Variants in IQSEC1 observed in about 807,000 individuals in gnomAD.
IQSEC1 encodes the protein IQ motif and SEC7 domain-containing protein 1.
Under a neutral mutation model 91.0 loss-of-function variants are expected in IQSEC1, and 31 were observed. The ratio of observed to expected loss-of-function variants is 0.34; its 90% CI spans 0.26 to 0.46. The LOEUF (loss-of-function observed/expected upper bound fraction) is 0.46. Among genes scored for constraint, IQSEC1 ranks in the 20% least tolerant of loss-of-function variants. The probability of loss-of-function intolerance (pLI) is 1.00; values close to 1 mark genes in which losing one functional copy is unlikely to be tolerated. For synonymous variants in IQSEC1, 699 were observed against 662.6 expected (o/e 1.05, Z -0.84); for missense variants, 1,388 against 1,575.6 (o/e 0.88, Z 2.02).
chr3:13,172,709 G>C (rs1412080492), intron 1 of IQSEC1, among the ~76,000 whole-genome samples: 1 of 152,248 alleles, frequency 6.6e-6, no homozygotes, highest in African/African-American at 2.4e-5. Flanking sequence ...GTGCAGATGA[G>C]GGCAGTGACC....
chr3:12,934,758 G>A (rs1263608226), intron 3 of IQSEC1, among the ~76,000 whole-genome samples: 1 of 152,018 alleles, frequency 6.6e-6, no homozygotes, highest in Non-Finnish European at 1.5e-5. Context: ...AATACCCATC[G>A]CTCCTTGGAT....
At chr3:13,188,774 G>C (rs1295012644) in intron 1 of IQSEC1, among the ~76,000 whole-genome samples, 2 of 152,214 alleles carry the variant, frequency 1.3e-5, no homozygotes, top group Non-Finnish European at 2.9e-5. Flanking sequence ...GGCTCCACAG[G>C]AAAAAGCCAA....
chr3:13,210,872 CACTGTGG>C (rs1461784708), intron 1 of IQSEC1, among the ~76,000 whole-genome samples: 1 of 152,224 alleles, frequency 6.6e-6, no homozygotes, highest in Non-Finnish European at 1.5e-5. Context: ...GGGCACGGCC[CACTGTGG>C]ACTGAAAGGA....
intron 1 of IQSEC1, among the ~76,000 whole-genome samples, chr3:13,239,046 G>C (rs191316303): frequency 6.6e-6 from 1 of 152,198 alleles, no homozygotes; most frequent in Non-Finnish European, 1.5e-5. Flanking sequence ...GGGGTTCCCC[G>C]AGGATGCCCC....
At chr3:13,002,086 A>AAAC (rs984907461) in intron 1 of IQSEC1, among the ~76,000 whole-genome samples, 1 of 152,060 alleles carries the variant, frequency 6.6e-6, no homozygotes, top group Non-Finnish European at 1.5e-5. Context: ...ACAAACAAAC[A>AAAC]AACAACAACA....
intron 2 of IQSEC1, among the ~76,000 whole-genome samples, chr3:13,129,852 G>C (rs948607783): frequency 1.3e-5 from 2 of 151,450 alleles, no homozygotes; most frequent in African/African-American, 4.9e-5. Flanking sequence ...TAGAGACAGG[G>C]TTTCACCGTG....
chr3:13,153,903 T>C (rs1300579355), intron 2 of IQSEC1, among the ~76,000 whole-genome samples: 1 of 151,752 alleles, frequency 6.6e-6, no homozygotes, highest in Non-Finnish European at 1.5e-5. Context: ...TGCAAAGAGA[T>C]GGAGGTATGA....
At position 13,111,654 on chromosome 3, in the gene IQSEC1, C is replaced by T. The variant is rs777478951; in HGVS notation, c.302+52450G>A. On this transcript the variant is annotated intron_variant, in intron 2 of 15. Transcript: ENST00000648114. ...GGGTGGGGCCTTTGGGAGGTGATTA[C>T]GCTGAGATGAGGTCATGGGAGTAGA... 6.6e-5 allele frequency among the ~76,000 whole-genome samples: 10 copies of T among 152,100 alleles called. No homozygotes were observed. In the East Asian group the frequency reaches 7.7e-4, roughly 12 times the overall value.
chr3:13,089,401 G>A (rs1705798273), intron 2 of IQSEC1, among the ~76,000 whole-genome samples: 1 of 152,098 alleles, frequency 6.6e-6, no homozygotes, highest in Non-Finnish European at 1.5e-5. Flanking sequence ...GCAACACAGT[G>A]AGACTCAGTC....
chr3:13,153,041 C>T lies in IQSEC1; in HGVS notation c.302+11063G>A, dbSNP rs145589573. 1.7e-3 allele frequency among the ~76,000 whole-genome samples: 264 copies of T among 151,648 alleles called. 1 individual carries two copies. Among genetic ancestry groups the T allele is most frequent in the African/African-American group, 6.0e-3 (249 of 41,272 alleles). ...CCCCATCCTCCCTCCCATGCCTCCC[C>T]GCCTTTTCTTTCCCCTCCCCTATCT... is the stretch of plus-strand genomic sequence containing the variant. On this transcript the variant is annotated intron_variant, in intron 2 of 15. Coordinates refer to the IQSEC1 transcript ENST00000648114.
At chr3:13,264,655 A>G (rs773545) in intron 1 of IQSEC1, among the ~76,000 whole-genome samples, 113,670 of 151,920 alleles carry the variant, frequency 0.75, 43,230 homozygotes, top group East Asian at 0.98. Flanking sequence ...TAGGCCTGGC[A>G]GGCTCGCGAA....
At chr3:13,148,628 G>C (rs758274095) in intron 2 of IQSEC1, among the ~76,000 whole-genome samples, 20 of 152,368 alleles carry the variant, frequency 1.3e-4, no homozygotes, top group Non-Finnish European at 2.2e-4. Flanking sequence ...CTCTGGAGCT[G>C]GGTCAGAGCC....
At chr3:13,124,777 C>A (rs966880689) in intron 2 of IQSEC1, among the ~76,000 whole-genome samples, 1 of 43,850 alleles carries the variant, frequency 2.3e-5, no homozygotes, top group Non-Finnish European at 3.8e-5. Flanking sequence ...GCTCCTGGAT[C>A]CCCCCCAGAC....
chr3:13,059,191 T>G (rs912466064), intron 1 of IQSEC1, among the ~76,000 whole-genome samples: 3 of 151,988 alleles, frequency 2.0e-5, no homozygotes, highest in African/African-American at 7.3e-5. Context: ...CCCATAGGGC[T>G]CTCCTTACAC....
In IQSEC1 at chr3:12,936,957, G is replaced by A. The variant is rs567480658; in HGVS notation, c.319-260C>T. On this transcript the variant is annotated intron_variant, in intron 2 of 13. Coordinates refer to ENST00000613206, the MANE Select transcript of IQSEC1 (RefSeq NM_001134382.3). ...ACCTCTTTTTTTTTTTTTTGAGACA[G>A]AATCTCGCTCTGTCACCTAGGCTGG... Among the ~76,000 whole-genome samples, 647 of 150,024 alleles carry A rather than the reference G, an allele frequency of 4.3e-3. 5 individuals are homozygous for A. The highest frequency in any genetic ancestry group is 0.015 in the African/African-American group (623 of 40,734).
At chr3:13,120,031 G>T (rs962876197) in intron 2 of IQSEC1, among the ~76,000 whole-genome samples, 2 of 152,202 alleles carry the variant, frequency 1.3e-5, no homozygotes, top group African/African-American at 4.8e-5. Context: ...GGCTTAGAAA[G>T]CAGTTTTTGG....
chr3:13,165,881 G>A (rs892834399), intron 1 of IQSEC1, among the ~76,000 whole-genome samples: 7 of 152,184 alleles, frequency 4.6e-5, no homozygotes, highest in Admixed American at 1.3e-4. Context: ...CGCTGACCAA[G>A]AAACACAGGG....
intron 1 of IQSEC1, among the ~76,000 whole-genome samples, chr3:13,175,352 G>A (rs1237212779): frequency 2.0e-5 from 3 of 152,214 alleles, no homozygotes; most frequent in Non-Finnish European, 4.4e-5. Flanking sequence ...TAGCTATGAT[G>A]AGTGACATCA....
chr3:12,995,177 G>C (rs1702180958), intron 1 of IQSEC1: 1 of 152,284 alleles, frequency 6.6e-6, no homozygotes, highest in Admixed American at 6.5e-5. Context: ...GAGACCGGAG[G>C]GACGGGGCCG....
Sources: allele counts gnomAD v4.1 joint callset (sites outside exome capture counted in the v4.1 genomes callset), GRCh38; gene constraint gnomAD v4.1.1; transcripts MANE v1.5; gene names NCBI Gene and HGNC (gene_info 2026-07-23, HGNC 2026-07-21).